Variants in GNAL observed in about 807,000 individuals in gnomAD.
The protein encoded by GNAL is guanine nucleotide-binding protein G(olf) subunit alpha.
In GNAL, 18 loss-of-function variants were observed where a neutral mutation model predicts 55.1. That is an observed-to-expected ratio of 0.33 (90% CI 0.23 to 0.48). The LOEUF is 0.48. Ranked by LOEUF, GNAL falls within the 20% of genes least tolerant of loss-of-function variation. The pLI is 0.99. For missense variants in GNAL, 412 were observed against 614.1 expected (o/e 0.67, Z 3.48); for synonymous variants, 253 against 237.0 (o/e 1.07, Z -0.62).
In GNAL at chr18:11,788,897, G is replaced by GGAAAAAAAAAA. The variant is rs1385387064; in HGVS notation, c.624+34952_624+34953insGAAAAAAAAAA. Among the ~76,000 whole-genome samples, 80 of 82,502 alleles carry GGAAAAAAAAAA rather than the reference G, an allele frequency of 9.7e-4. 2 individuals are homozygous for GGAAAAAAAAAA. Among genetic ancestry groups the GGAAAAAAAAAA allele is most frequent in the African/African-American group, 6.0e-3 (80 of 13,318 alleles). The allele number at this position is 82,502 out of a possible 152,430, so 54.1% of individuals were successfully genotyped here. A position where few individuals can be genotyped will look rare whatever the true frequency, so the allele number is the denominator to read the frequency against. ...AGGAGACAGAGCAAGACTCCGTCTC[G>GGAAAAAAAAAA]AAAAAAAAAAAAAAAAAATATATAT... On this transcript the variant is annotated intron_variant, in intron 4 of 11. Transcript: ENST00000334049.
chr18:11,708,749 T>G (rs1472314448), intron 1 of GNAL, among the ~76,000 whole-genome samples: 5 of 152,220 alleles, frequency 3.3e-5, no homozygotes, highest in African/African-American at 7.2e-5. Context: ...TTTCAGTAGG[T>G]TGCCTCTTCA....
chr18:11,717,654 G>A (rs1286668251), intron 1 of GNAL, among the ~76,000 whole-genome samples: 1 of 152,196 alleles, frequency 6.6e-6, no homozygotes, highest in Non-Finnish European at 1.5e-5. Context: ...AACATGGGTG[G>A]AGCTGGAATC....
At chr18:11,775,393 C>G (rs1007855168) in intron 4 of GNAL, among the ~76,000 whole-genome samples, 2 of 152,224 alleles carry the variant, frequency 1.3e-5, no homozygotes, top group East Asian at 3.8e-4. Context: ...TGAGATTTTA[C>G]GCAGATGATC....
intron 1 of GNAL, chr18:11,746,926 C>T (rs1443183209): frequency 3.7e-6 from 2 of 538,568 alleles, no homozygotes; most frequent in African/African-American, 3.8e-5. Flanking sequence ...AAACTTAGGA[C>T]ATTACAACAG....
intron 1 of GNAL, among the ~76,000 whole-genome samples, chr18:11,696,827 A>T (rs893045077): frequency 6.6e-6 from 1 of 152,184 alleles, no homozygotes; most frequent in African/African-American, 2.4e-5. Flanking sequence ...TCACTGGAAT[A>T]TATGACCATT....
In GNAL at chr18:11,881,210, C is replaced by T; in HGVS notation, c.*75C>T. The T allele has an allele frequency of 7.0e-7, 1 of 1,420,982 alleles. No individual in the cohort carries two copies. 88.0% of individuals were successfully genotyped at this position (1,420,982 alleles called of 1,614,324 possible). Reference sequence around the variant, plus strand: ...GCCAGCCCCATGCCATGGTAGGAGGCAGAGTCTCTAGTTCCATCTCGCTGC... The same window carrying T: ...GCCAGCCCCATGCCATGGTAGGAGGTAGAGTCTCTAGTTCCATCTCGCTGC... On this transcript the variant is annotated 3_prime_UTR_variant, in exon 12 of 12. Coordinates refer to ENST00000334049, the MANE Select transcript of GNAL (RefSeq NM_182978.4). This position sits in a 1 kb window ranked among gnomAD's most constrained non-coding sequence, Gnocchi z 4.8.
intron 1 of GNAL, among the ~76,000 whole-genome samples, chr18:11,730,417 C>T (rs1211054350): frequency 6.6e-6 from 1 of 151,976 alleles, no homozygotes; most frequent in Non-Finnish European, 1.5e-5. Context: ...GCCTCGGCCT[C>T]CCAAAATGCC....
chr18:11,790,833 A>G (rs907758767), intron 4 of GNAL, among the ~76,000 whole-genome samples: 2 of 151,256 alleles, frequency 1.3e-5, no homozygotes, highest in African/African-American at 4.9e-5. Flanking sequence ...ATTTTTTTGT[A>G]TATTTAGTAG....
At chr18:11,834,658 C>T (rs1170058531) in intron 5 of GNAL, among the ~76,000 whole-genome samples, 2 of 152,166 alleles carry the variant, frequency 1.3e-5, no homozygotes, top group Non-Finnish European at 2.9e-5. Context: ...TTTGAGGCTA[C>T]AGTGAGCCAA....
Position 11,743,327 on chromosome 18 carries a change from A to C in GNAL, c.377-9526A>C, listed in dbSNP as rs1182923016. On this transcript the variant is annotated intron_variant, in intron 1 of 11. Transcript: ENST00000334049. ...CACTCACTAATACAAAAAAAAAAAA[A>C]AAACCACCACTGTTAGGCATTTACA... is the stretch of plus-strand genomic sequence containing the variant. Among the ~76,000 whole-genome samples, 8 of 152,168 alleles carry C rather than the reference A, an allele frequency of 5.3e-5. No homozygotes were observed. In the East Asian group the frequency reaches 5.8e-4, roughly 11 times the overall value.
intron 1 of GNAL, among the ~76,000 whole-genome samples, chr18:11,744,457 T>C (rs1035774204): frequency 6.6e-6 from 1 of 152,180 alleles, no homozygotes; most frequent in Admixed American, 6.5e-5. Flanking sequence ...CACAGAATGA[T>C]CTCTGCTGCT....
At chr18:11,829,018 A>G (rs1293252288) in intron 5 of GNAL, among the ~76,000 whole-genome samples, 1 of 152,244 alleles carries the variant, frequency 6.6e-6, no homozygotes, top group Non-Finnish European at 1.5e-5. Flanking sequence ...CTACGATCAC[A>G]GTTACCCAGG....
chr18:11,758,042 A>G (rs1390382954), intron 4 of GNAL, among the ~76,000 whole-genome samples: 1 of 152,126 alleles, frequency 6.6e-6, no homozygotes, highest in Non-Finnish European at 1.5e-5. Flanking sequence ...AAGATGAAAG[A>G]TACAAAACCC....
intron 5 of GNAL, chr18:11,852,297 T>C (rs919222527): frequency 1.7e-5 from 12 of 688,672 alleles, no homozygotes; most frequent in African/African-American, 1.6e-4. Flanking sequence ...CTTAGCTGGA[T>C]TCTAAAGTTC....
chr18:11,846,696 T>C (rs2035748502), intron 5 of GNAL, among the ~76,000 whole-genome samples: 3 of 151,824 alleles, frequency 2.0e-5, no homozygotes, highest in Admixed American at 1.3e-4. Context: ...GTTGTTAACA[T>C]ATTTTGAGGG....
chr18:11,757,440 G>A (rs2033095774), intron 4 of GNAL, among the ~76,000 whole-genome samples: 2 of 152,154 alleles, frequency 1.3e-5, no homozygotes, highest in African/African-American at 2.4e-5. Context: ...TTGAAGGAGG[G>A]CAACCACTTC....
chr18:11,797,383 G>A (rs1250868330), intron 4 of GNAL, among the ~76,000 whole-genome samples: 1 of 152,078 alleles, frequency 6.6e-6, no homozygotes, highest in Non-Finnish European at 1.5e-5. Flanking sequence ...TTTCTTATTA[G>A]TATTTTTTCC....
At chr18:11,846,460 A>AAT (rs774789891) in intron 5 of GNAL, among the ~76,000 whole-genome samples, 201 of 33,974 alleles carry the variant, frequency 5.9e-3, no homozygotes, top group Admixed American at 0.017. Context: ...TATATATATA[A>AAT]ATATACACAC....
At chr18:11,718,399 A>G (rs1311441063) in intron 1 of GNAL, among the ~76,000 whole-genome samples, 1 of 152,182 alleles carries the variant, frequency 6.6e-6, no homozygotes, top group Non-Finnish European at 1.5e-5. Context: ...TATAATCAAT[A>G]CGGCAGAGTC....
Sources: allele counts gnomAD v4.1 joint callset (sites outside exome capture counted in the v4.1 genomes callset), GRCh38; gene constraint gnomAD v4.1.1; non-coding constraint Gnocchi (gnomAD v3.1); transcripts MANE v1.5; gene names NCBI Gene and HGNC (gene_info 2026-07-23, HGNC 2026-07-21).